The following NCF2 variants were observed in gnomAD, a reference collection of about 807,000 sequenced individuals.
The protein encoded by NCF2 is neutrophil cytosolic factor 2.
A neutral mutation model predicts 70.9 loss-of-function variants in NCF2; 45 were observed. The ratio of observed to expected loss-of-function variants is 0.63; its 90% confidence interval spans 0.50 to 0.81. The LOEUF is 0.81. Among genes scored for constraint, NCF2 ranks in the 40% least tolerant of loss-of-function variants. NCF2 has a pLI of 0.00. For missense variants in NCF2, 522 were observed against 631.6 expected, an observed-to-expected ratio of 0.83 and a Z score of 1.86; for synonymous variants, 203 against 233.6, an observed-to-expected ratio of 0.87 and a Z score of 1.19.
chr1:183,563,507 C>T lies in NCF2; in HGVS notation c.1105G>A (p.Gly369Arg), dbSNP rs137854513. ...TCCCGGACCTGGCTGTAGGGGAGCC[C>T]GGGCTGAGTCTTCATGACTACCGTG... is the stretch of plus-strand genomic sequence containing the variant. ...KYTVVMKTQPGLPYSQVRDMV... is the reference protein window; with the variant it reads ...KYTVVMKTQPRLPYSQVRDMV... The change falls in exon 12 of 15, where the codon GGG (glycine) becomes AGG (arginine). Residue 369 changes from glycine (G) to arginine (R), a missense_variant. Transcript: ENST00000367535. The T allele has an allele frequency of 2.7e-5, 44 of 1,613,986 alleles. No homozygotes were observed. Among genetic ancestry groups the T allele is most frequent in the South Asian group, 8.8e-5 (8 of 91,092 alleles).
chr1:183,595,929 AT>A, the NCF2 span, among the ~76,000 whole-genome samples: 7 of 152,114 alleles, frequency 4.6e-5, no homozygotes, highest in Non-Finnish European at 1.0e-4. Flanking sequence ...TCATCTTAGA[AT>A]TCCACCTGCC....
Position 183,586,843 on chromosome 1 carries a change from C to G in NCF2, c.257+52G>C. On this transcript the variant is annotated intron_variant, in intron 2 of 14. Coordinates refer to ENST00000367535, the MANE Select transcript of NCF2 (RefSeq NM_000433.4). ...ACACCAAGCCCGCAACACTGAGACC[C>G]CTTGGGTTTCTCTCTGAAATCCTCC... 3 of 1,539,916 alleles carry G rather than the reference C, an allele frequency of 1.9e-6. No homozygotes were observed. In the Admixed American group the frequency reaches 5.0e-5, roughly 26 times the overall value.
At chr1:183,583,760 G>A (rs1190521959) in intron 2 of NCF2, among the ~76,000 whole-genome samples, 1 of 152,250 alleles carries the variant, frequency 6.6e-6, no homozygotes, top group Non-Finnish European at 1.5e-5. Flanking sequence ...GCAAAGGCAC[G>A]GAGGATGCAT....
chr1:183,581,825 G>A (rs1007030309), intron 2 of NCF2, among the ~76,000 whole-genome samples: 35 of 152,120 alleles, frequency 2.3e-4, no homozygotes, highest in African/African-American at 7.9e-4. Flanking sequence ...CCGCCACCGC[G>A]CCCGGCTAAT....
In NCF2 at chr1:183,555,946, A is replaced by C; in HGVS notation, c.*172T>G. On this transcript the variant is annotated 3_prime_UTR_variant, in exon 15 of 15. Coordinates refer to ENST00000367535, the MANE Select transcript of NCF2 (RefSeq NM_000433.4). ...TCTCCTCACCCACTGTGCCCCAGGA[A>C]ATCATCCTGGGTACTCACATCATTG... is the stretch of plus-strand genomic sequence containing the variant. 1.5e-6 allele frequency: 1 copy of C among 665,352 alleles called. No homozygotes were observed. Among genetic ancestry groups the C allele is most frequent in the Middle Eastern group, 3.7e-4 (1 of 2,696 alleles). The allele number at this position is 665,352 out of a possible 1,614,324, so 41.2% of individuals were successfully genotyped here.
Position 183,567,126 on chromosome 1 carries a change from G to A in NCF2, c.855+78C>T, listed in dbSNP as rs6668645. 4,687 of 1,610,060 alleles carry A rather than the reference G, an allele frequency of 2.9e-3. 114 individuals carry two copies. In the African/African-American group the frequency reaches 0.057, roughly 20 times the overall value. ...ACTTGGCTGGTCTGCAAAGAAGGCA[G>A]CAGATACTGCTCCACAGAGACTGCA... On this transcript the variant is annotated intron_variant, in intron 8 of 14. Coordinates refer to ENST00000367535, the MANE Select transcript of NCF2 (RefSeq NM_000433.4).
chr1:183,575,982 T>C (rs186212401), intron 3 of NCF2, among the ~76,000 whole-genome samples: 2 of 152,342 alleles, frequency 1.3e-5, no homozygotes, highest in Admixed American at 6.5e-5. Context: ...CTCCTGACCT[T>C]GTGTGCAGAA....
Position 183,567,109 on chromosome 1 carries a change from G to A in NCF2, c.855+95C>T. The A allele has an allele frequency of 3.1e-6, 5 of 1,607,776 alleles. No individual in the cohort carries two copies. The East Asian group carries it at 1.1e-4, about 36-fold the overall frequency. On this transcript the variant is annotated intron_variant, in intron 8 of 14. Coordinates refer to ENST00000367535, the MANE Select transcript of NCF2 (RefSeq NM_000433.4). ...GACGAACAGACAAAAGAACTTGGCT[G>A]GTCTGCAAAGAAGGCAGCAGATACT...
intron 10 of NCF2, 25 bp downstream of exon 10, chr1:183,565,679 A>T: frequency 6.2e-7 from 1 of 1,608,608 alleles, no homozygotes; most frequent in Non-Finnish European, 8.5e-7. Context: ...ACCCAGACCT[A>T]GGCTGTGGCT....
At chr1:183,593,352 A>C (rs555789325), upstream of NCF2, among the ~76,000 whole-genome samples, 1 of 151,642 alleles carries the variant, frequency 6.6e-6, no homozygotes, top group East Asian at 1.9e-4. Flanking sequence ...TAAAAACACA[A>C]GTCAGATCAC....
intron 13 of NCF2, among the ~76,000 whole-genome samples, chr1:183,562,400 C>G (rs548750348): frequency 5.0e-4 from 76 of 152,228 alleles, no homozygotes; most frequent in African/African-American, 1.7e-3. Context: ...CACACTCACT[C>G]TTACCCCCAG....
At chr1:183,596,656 C>G in the NCF2 span, among the ~76,000 whole-genome samples, 2 of 151,936 alleles carry the variant, frequency 1.3e-5, no homozygotes, top group African/African-American at 2.4e-5. Context: ...GTAGGAGACT[C>G]TCTTGGACCT....
chr1:183,567,037 C>T, intron 8 of NCF2, 49 bp from the exon 9 acceptor site: 2 of 1,611,630 alleles, frequency 1.2e-6, no homozygotes, highest in South Asian at 1.1e-5. Flanking sequence ...AAGATGTGCT[C>T]ATCAGTACCC....
intron 5 of NCF2, 116 bp from the exon 6 acceptor site, chr1:183,570,955 G>A (rs940454572): frequency 4.0e-5 from 39 of 963,764 alleles, no homozygotes; most frequent in Non-Finnish European, 5.9e-5. Context: ...TTCAGACGTG[G>A]ACAGTAACTA....
intron 11 of NCF2, 93 bp from the exon 12 acceptor site, chr1:183,563,678 G>T (rs941260805): frequency 5.3e-6 from 8 of 1,507,352 alleles, no homozygotes; most frequent in Non-Finnish European, 2.7e-6. Context: ...GGCACAGGGG[G>T]TACCCAATAC....
chr1:183,564,109 G>T, intron 10 of NCF2, 79 bp from the exon 11 acceptor site: 1 of 1,400,492 alleles, frequency 7.1e-7, no homozygotes, highest in Non-Finnish European at 1.0e-6. Flanking sequence ...ACACACAGAT[G>T]AAACCTCTTC....
At chr1:183,590,588 G>A (rs1379756728), upstream of NCF2, 6 of 543,250 alleles carry the variant, frequency 1.1e-5, no homozygotes, top group Admixed American at 2.9e-5. Flanking sequence ...GAGAGAGGGC[G>A]AGTAGGGGTG....
intron 8 of NCF2, 43 bp downstream of exon 8, chr1:183,567,161 A>T (rs1241717762): frequency 1.9e-6 from 3 of 1,613,882 alleles, no homozygotes; most frequent in Non-Finnish European, 2.5e-6. Context: ...ATTTGCTGCC[A>T]GGATCCCATG....
chr1:183,576,601 G>A (rs868551154), intron 3 of NCF2, among the ~76,000 whole-genome samples: 3 of 152,210 alleles, frequency 2.0e-5, no homozygotes, highest in South Asian at 2.1e-4. Flanking sequence ...CAGAGCTACA[G>A]CTGAGAAACC....
Sources: gnomAD v4.1 joint callset for allele counts (sites outside exome capture counted in the v4.1 genomes callset) on GRCh38, gnomAD v4.1.1 for gene constraint, MANE v1.5 for transcripts, NCBI Gene and HGNC (gene_info 2026-07-23, HGNC 2026-07-21) for gene names.